Variants in CCSER1 observed in about 807,000 individuals in gnomAD.
The protein encoded by CCSER1 is coiled-coil serine rich protein 1.
In CCSER1, 41 loss-of-function variants were observed where a neutral mutation model predicts 82.0. That is an observed-to-expected ratio of 0.50 (90% CI 0.39 to 0.65). The LOEUF is 0.65. CCSER1 is among the 30% of genes least tolerant of loss of function. The pLI is 0.00. For synonymous variants in CCSER1, 414 were observed against 383.9 expected (o/e 1.08, Z -0.92); for missense variants, 1,119 against 1,064.2 (o/e 1.05, Z -0.72).
intron 3 of CCSER1, among the ~76,000 whole-genome samples, chr4:90,316,020 A>G (rs2153483506): frequency 6.6e-6 from 1 of 152,320 alleles, no homozygotes; most frequent in East Asian, 1.9e-4. Flanking sequence ...TTAAGAATGT[A>G]TCCATGGTTC....
intron 10 of CCSER1, among the ~76,000 whole-genome samples, chr4:91,171,093 A>G (rs183794326): frequency 6.6e-6 from 1 of 152,156 alleles, no homozygotes; most frequent in Non-Finnish European, 1.5e-5. Context: ...TTTTTTTTCC[A>G]AAATAGAATA....
intron 9 of CCSER1, among the ~76,000 whole-genome samples, chr4:91,055,779 TCTCCCTCCCTCCCTCC>T (rs931173249): frequency 1.5e-5 from 2 of 136,546 alleles, no homozygotes; most frequent in Admixed American, 7.6e-5. Context: ...TCTATACCTC[TCTCCCTCCCTCCCTCC>T]CTCCCTTTCT....
In CCSER1 at chr4:90,354,715, C is replaced by T. The variant is rs180827448; in HGVS notation, c.1509+41668C>T. Among the ~76,000 whole-genome samples, 9 of 152,136 alleles carry T rather than the reference C, an allele frequency of 5.9e-5. No individual in the cohort carries two copies. In the East Asian group the frequency reaches 1.7e-3, roughly 29 times the overall value. On this transcript the variant is annotated intron_variant, in intron 3 of 10. Transcript: ENST00000509176. Reference sequence around the variant, plus strand: ...TGGTTCTCGTGCTAGGTATTTTTTACAGACTTTTATCATTTTAAGTACTAC... The same window carrying T: ...TGGTTCTCGTGCTAGGTATTTTTTATAGACTTTTATCATTTTAAGTACTAC...
At chr4:90,700,362 C>T (rs994800901) in intron 6 of CCSER1, among the ~76,000 whole-genome samples, 4 of 152,096 alleles carry the variant, frequency 2.6e-5, no homozygotes, top group African/African-American at 9.7e-5. Flanking sequence ...TATATATGTG[C>T]CACATTTTCT....
intron 1 of CCSER1, among the ~76,000 whole-genome samples, chr4:90,277,189 A>G (rs1248237333): frequency 2.6e-5 from 4 of 152,092 alleles, no homozygotes; most frequent in East Asian, 3.9e-4. Flanking sequence ...AAACCATTCC[A>G]TGCTCATGGA....
intron 7 of CCSER1, among the ~76,000 whole-genome samples, chr4:90,734,600 G>A (rs1337320739): frequency 2.6e-5 from 4 of 151,838 alleles, no homozygotes; most frequent in Non-Finnish European, 1.5e-5. Context: ...TCTTGATATT[G>A]CAATTTTCAC....
chr4:91,521,112 C>T (rs1372481914), intron 10 of CCSER1, among the ~76,000 whole-genome samples: 1 of 152,150 alleles, frequency 6.6e-6, no homozygotes, highest in Non-Finnish European at 1.5e-5. Context: ...TCACTTCCCA[C>T]TTATGAGTGA....
chr4:90,865,155 A>T (rs538271353), intron 8 of CCSER1, among the ~76,000 whole-genome samples: 1 of 152,056 alleles, frequency 6.6e-6, no homozygotes, highest in Non-Finnish European at 1.5e-5. Flanking sequence ...TATTTTATAG[A>T]CAGAGTAATT....
At chr4:90,741,682 A>T (rs900146228) in intron 7 of CCSER1, among the ~76,000 whole-genome samples, 2 of 152,176 alleles carry the variant, frequency 1.3e-5, no homozygotes, top group African/African-American at 4.8e-5. Context: ...TTTTTACATA[A>T]TTTCAAATAT....
At chr4:91,400,319 A>G (rs1449736048) in intron 10 of CCSER1, among the ~76,000 whole-genome samples, 1 of 151,870 alleles carries the variant, frequency 6.6e-6, no homozygotes, top group Non-Finnish European at 1.5e-5. Flanking sequence ...TAAAAAGTAA[A>G]TAGTATTAAG....
chr4:90,641,962 A>G (rs1319150902), intron 6 of CCSER1: 1 of 345,630 alleles, frequency 2.9e-6, no homozygotes, highest in Non-Finnish European at 6.5e-6. Context: ...ATCCAGCATT[A>G]ATGTTTCACT....
chr4:91,560,061 AATAG>A (rs1762584060), intron 10 of CCSER1, among the ~76,000 whole-genome samples: 2 of 151,488 alleles, frequency 1.3e-5, no homozygotes, highest in Non-Finnish European at 3.0e-5. Context: ...TAAATAGATA[AATAG>A]ATATTGTTTT....
intron 6 of CCSER1, among the ~76,000 whole-genome samples, chr4:90,706,338 T>C (rs963916454): frequency 2.0e-5 from 3 of 152,148 alleles, no homozygotes; most frequent in Admixed American, 6.5e-5. Context: ...CCCAGCACTT[T>C]TGGAGGTTAA....
At chr4:91,431,592 C>T (rs1320138061) in intron 10 of CCSER1, among the ~76,000 whole-genome samples, 2 of 151,982 alleles carry the variant, frequency 1.3e-5, no homozygotes, top group South Asian at 2.1e-4. Context: ...CTCAGCCTCC[C>T]GAGTAGCTGG....
chr4:90,406,511 T>G (rs1285465581), intron 4 of CCSER1, among the ~76,000 whole-genome samples: 1 of 152,142 alleles, frequency 6.6e-6, no homozygotes, highest in Non-Finnish European at 1.5e-5. Context: ...ACAAATAGAC[T>G]TAACAGATAT....
chr4:90,737,253 T>C (rs1016928325), intron 7 of CCSER1, among the ~76,000 whole-genome samples: 2 of 152,188 alleles, frequency 1.3e-5, no homozygotes, highest in Non-Finnish European at 2.9e-5. Context: ...CATCCTTTTC[T>C]TTCAGATTGA....
chr4:90,918,287 C>G (rs1727819245), intron 8 of CCSER1: 2 of 452,678 alleles, frequency 4.4e-6, no homozygotes, highest in Non-Finnish European at 4.4e-6. Flanking sequence ...GAAAGTTCAT[C>G]TTTTTCATCT....
In CCSER1 at chr4:91,219,381, C is replaced by G. The variant is rs375465557; in HGVS notation, c.2217+133387C>G. 3.6e-5 allele frequency among the ~76,000 whole-genome samples: 5 copies of G among 140,352 alleles called. No homozygotes were observed. The East Asian group carries it at 1.2e-3, about 33-fold the overall frequency. 92.1% of individuals were successfully genotyped at this position (140,352 alleles called of 152,430 possible). ...CAGCTGGAGTGCAGTGGTGCAATCT[C>G]GGCTCACTGCAACTTCTGCCTCCTG... On this transcript the variant is annotated intron_variant, in intron 10 of 10. Transcript: ENST00000509176.
intron 9 of CCSER1, among the ~76,000 whole-genome samples, chr4:90,978,668 A>G (rs1735828602): frequency 1.3e-5 from 2 of 151,792 alleles, no homozygotes; most frequent in Admixed American, 6.6e-5. Context: ...AGATTTTGTG[A>G]TGAGGGATCT....
Sources: gnomAD v4.1 joint callset for allele counts (sites outside exome capture counted in the v4.1 genomes callset) on GRCh38, gnomAD v4.1.1 for gene constraint, MANE v1.5 for transcripts, NCBI Gene and HGNC (gene_info 2026-07-23, HGNC 2026-07-21) for gene names.